Variants in ADGRE5 observed in about 807,000 individuals in gnomAD.
The protein encoded by ADGRE5 is adhesion G protein-coupled receptor E5.
Under a neutral mutation model 100.3 loss-of-function variants are expected in ADGRE5, and 72 were observed. That is an observed-to-expected ratio of 0.72 (90% CI 0.59 to 0.87). The LOEUF (loss-of-function observed/expected upper bound fraction) is 0.87. ADGRE5 is among the 40% of genes least tolerant of loss of function. The probability of loss-of-function intolerance (pLI) is 0.00; values close to 1 mark genes in which losing one functional copy is unlikely to be tolerated. For missense variants in ADGRE5, 959 were observed against 1,094.7 expected, an observed-to-expected ratio of 0.88 and a Z score of 1.75; for synonymous variants, 439 against 447.8, an observed-to-expected ratio of 0.98 and a Z score of 0.25.
rs1010629199 is a variant in ADGRE5, at chr19:14,405,199, A to C, written c.1630-549A>C. On this transcript the variant is annotated intron_variant, in intron 13 of 19. Transcript: ENST00000242786. ...TGCTCTATCGCTTAGGCTGGAGTGC[A>C]GTAGTGTGATCTTGGCTCACTGCAA... 2 of 152,670 alleles carry C rather than the reference A, an allele frequency of 1.3e-5. 1 individual carries two copies. Among genetic ancestry groups the C allele is most frequent in the African/African-American group, 4.9e-5 (2 of 40,880 alleles). The allele number at this position is 152,670 out of a possible 1,614,324, so 9.5% of individuals were successfully genotyped here.
At chr19:14,407,038 C>G (rs371185748) in intron 17 of ADGRE5, 23 bp from the exon 18 acceptor site, 1 of 1,613,664 alleles carries the variant, frequency 6.2e-7, no homozygotes, top group Non-Finnish European at 8.5e-7. Context: ...TGGGGGCCCA[C>G]GCTGCAACCC....
At chr19:14,399,563 C>CA (rs764605166) in intron 9 of ADGRE5, among the ~76,000 whole-genome samples, 7,118 of 31,582 alleles carry the variant, frequency 0.23, 1,937 homozygotes, top group Non-Finnish European at 0.31. Context: ...GACTCCGTCT[C>CA]AAAAAAAAAA....
intron 1 of ADGRE5, 80 bp from the exon 2 acceptor site, chr19:14,388,370 C>T (rs937980642): frequency 6.6e-7 from 1 of 1,508,792 alleles, no homozygotes; most frequent in African/African-American, 1.4e-5. Flanking sequence ...CAGCATCCTC[C>T]TCCCACAAAG....
intron 12 of ADGRE5, among the ~76,000 whole-genome samples, chr19:14,403,690 C>T (rs1032420268): frequency 6.6e-6 from 1 of 151,932 alleles, no homozygotes; most frequent in African/African-American, 2.4e-5. Context: ...ATGGAGGTCT[C>T]GCTATGTTGC....
chr19:14,396,395 G>A lies in ADGRE5; in HGVS notation c.400G>A (p.Val134Ile), dbSNP rs372889912. Residue 134 changes from valine to isoleucine, a missense_variant, in exon 5 of 20, where the codon GTC becomes ATC. Val to Ile is a conservative substitution (Grantham distance 29). Coordinates refer to ENST00000242786, the MANE Select transcript of ADGRE5 (RefSeq NM_078481.4). ...PRLCKSYGTC[V>I]NTLGSYTCQC... ...GCTCTGTAAAAGCTACGGCACCTGC[G>A]TCAACACCCTTGGCAGCTATACCTG... The A allele has an allele frequency of 3.7e-5, 59 of 1,614,130 alleles. No individual in the cohort carries two copies. Among genetic ancestry groups the A allele is most frequent in the Admixed American group, 1.7e-4 (10 of 60,004 alleles).
intron 5 of ADGRE5, 72 bp downstream of exon 5, chr19:14,396,545 C>T (rs1200606333): frequency 6.3e-7 from 1 of 1,595,742 alleles, no homozygotes; most frequent in Non-Finnish European, 8.5e-7. Flanking sequence ...TCCTCCAAAG[C>T]AGCCGAGGAG....
intron 13 of ADGRE5, chr19:14,405,016 G>A (rs1326727669): frequency 6.1e-6 from 1 of 162,626 alleles, no homozygotes; most frequent in African/African-American, 2.4e-5. Flanking sequence ...AGTAATTTTT[G>A]GTATTTTTAG....
At position 14,398,107 on chromosome 19, in the gene ADGRE5, T is replaced by A. The variant is rs143859763; in HGVS notation, c.865T>A (p.Ser289Thr). ...CAAAGTCCAGGACCTGGGCAGAGAC[T>A]CCAAGACAAGCTCAGCCGAGGTCAC... ...FDKVQDLGRDSKTSSAEVTIQ... is the reference protein window; with the variant it reads ...FDKVQDLGRDTKTSSAEVTIQ... The change falls in exon 9 of 20, where the codon TCC (serine) becomes ACC (threonine). Residue 289 changes from serine to threonine, a missense_variant. Coordinates refer to ENST00000242786, the MANE Select transcript of ADGRE5 (RefSeq NM_078481.4). The A allele has an allele frequency of 4.3e-5, 69 of 1,613,926 alleles. No individual in the cohort carries two copies. Among genetic ancestry groups the A allele is most frequent in the Non-Finnish European group, 5.7e-5 (67 of 1,180,020 alleles).
chr19:14,391,035 C>T lies in ADGRE5; in HGVS notation c.302C>T (p.Ser101Phe), dbSNP rs10426122. ...CVCSPGYEPV[S>F]GAKTFKNESE... is the part of the protein sequence containing the mutation. ...TGCAGCCCGGGATATGAGCCTGTTT[C>T]TGGGGCAAAAACATTCAAGAATGAG... Residue 101 changes from serine (S) to phenylalanine (F), a missense_variant, in exon 4 of 20, where the codon TCT (serine) becomes TTT (phenylalanine). Physicochemically the swap from Ser to Phe is radical, Grantham distance 155. Coordinates refer to ENST00000242786, the MANE Select transcript of ADGRE5 (RefSeq NM_078481.4). The T allele has an allele frequency of 6.2e-7, 1 of 1,614,186 alleles. No homozygotes were observed. The highest frequency in any genetic ancestry group is 1.1e-5 in the South Asian group (1 of 91,086).
chr19:14,387,590 T>C (rs573224842), intron 1 of ADGRE5, among the ~76,000 whole-genome samples: 20 of 151,110 alleles, frequency 1.3e-4, no homozygotes, highest in African/African-American at 4.4e-4. Context: ...TAGCCGGGTG[T>C]GGTGGTGGAC....
In ADGRE5 at chr19:14,394,867, G is replaced by A. The variant is rs192768866; in HGVS notation, c.347-1475G>A. ...ATGCCTCCCGACCACCTTTCTGGCC[G>A]TTTAGCCCTCATCCATTTCCCCATC... is the stretch of plus-strand genomic sequence containing the variant. On this transcript the variant is annotated intron_variant, in intron 4 of 19. Coordinates refer to ENST00000242786, the MANE Select transcript of ADGRE5 (RefSeq NM_078481.4). 1.5e-4 allele frequency among the ~76,000 whole-genome samples: 23 copies of A among 152,252 alleles called. No individual in the cohort carries two copies. The South Asian group carries it at 4.1e-3, about 27-fold the overall frequency.
intron 3 of ADGRE5, among the ~76,000 whole-genome samples, chr19:14,389,775 G>C (rs868621984): frequency 6.6e-6 from 1 of 151,050 alleles, no homozygotes; most frequent in African/African-American, 2.4e-5. Context: ...GAGAGAAAGA[G>C]AAAGAAAAGT....
intron 1 of ADGRE5, among the ~76,000 whole-genome samples, chr19:14,383,067 G>T (rs1754025192): frequency 6.6e-6 from 1 of 152,100 alleles, no homozygotes; most frequent in South Asian, 2.1e-4. Context: ...GTCGGGCTTG[G>T]TGGTGTGCGC....
chr19:14,401,642 T>C lies in ADGRE5; in HGVS notation c.1076-11T>C, dbSNP rs1327622595. 4 of 1,601,762 alleles carry C rather than the reference T, an allele frequency of 2.5e-6. No individual in the cohort carries two copies. Among genetic ancestry groups the C allele is most frequent in the Non-Finnish European group, 2.6e-6 (3 of 1,173,544 alleles). On this transcript the variant is annotated splice_polypyrimidine_tract_variant and intron_variant, in intron 10 of 19. Coordinates refer to ENST00000242786, the MANE Select transcript of ADGRE5 (RefSeq NM_078481.4). This position sits in a 1 kb window ranked among gnomAD's most constrained non-coding sequence, Gnocchi z 4.1. ...TGGGGTCCCTAATCACAACTGCCCC[T>C]CTCCCCTCAGAGCTGACCCTGATGA... is the stretch of plus-strand genomic sequence containing the variant.
chr19:14,389,528 T>C (rs181310055), intron 3 of ADGRE5, among the ~76,000 whole-genome samples: 122 of 149,610 alleles, frequency 8.2e-4, no homozygotes, highest in African/African-American at 2.9e-3. Flanking sequence ...AGGTTGGGAA[T>C]TCGAGACTAG....
rs564995948 is a variant in ADGRE5, at chr19:14,399,101, C to T, written c.897+962C>T. On this transcript the variant is annotated intron_variant, in intron 9 of 19. Coordinates refer to ENST00000242786, the MANE Select transcript of ADGRE5 (RefSeq NM_078481.4). Reference sequence around the variant, plus strand: ...GGCTTAAGTGATCCTCCTGCCTCGGCCTCCCAACATGCTGGGATCACAGGC... The same window carrying T: ...GGCTTAAGTGATCCTCCTGCCTCGGTCTCCCAACATGCTGGGATCACAGGC... Among the ~76,000 whole-genome samples, 4 of 151,564 alleles carry T rather than the reference C, an allele frequency of 2.6e-5. No homozygotes were observed. The East Asian group carries it at 5.9e-4, about 23-fold the overall frequency.
At position 14,406,293 on chromosome 19, in the gene ADGRE5, C is replaced by A; in HGVS notation, c.1822-38C>A. 1 of 1,473,430 alleles carries A rather than the reference C, an allele frequency of 6.8e-7. No homozygotes were observed. Among genetic ancestry groups the A allele is most frequent in the South Asian group, 1.2e-5 (1 of 80,806 alleles). 91.3% of individuals were successfully genotyped at this position (1,473,430 alleles called of 1,614,324 possible). Reference sequence around the variant, plus strand: ...CTCTGGCGCCGCATGCCCCTCCCCGCGCTGACGTCGCTCCGCCCCTCCGTC... The same window carrying A: ...CTCTGGCGCCGCATGCCCCTCCCCGAGCTGACGTCGCTCCGCCCCTCCGTC... On this transcript the variant is annotated intron_variant, in intron 14 of 19. Transcript: ENST00000242786. The surrounding 1 kb of genome is among the most constrained non-coding windows in gnomAD (Gnocchi z 6.0).
chr19:14,381,603 C>A (rs574118088), intron 1 of ADGRE5, 58 bp downstream of exon 1: 6 of 1,563,918 alleles, frequency 3.8e-6, no homozygotes, highest in South Asian at 3.4e-5. Context: ...GACCCCTTGG[C>A]TGCGTCTGAG....
rs774726278 is a variant in ADGRE5, at chr19:14,388,834, G to A, written c.190+16G>A. 7 of 1,608,874 alleles carry A rather than the reference G, an allele frequency of 4.4e-6. No homozygotes were observed. The Admixed American group carries it at 1.2e-4, about 27-fold the overall frequency. ...ACTTGTGACGGTACAGAGGCTTGAG[G>A]GCAGCGCAGGGGACATCCGCGATTA... On this transcript the variant is annotated intron_variant, in intron 3 of 19. Transcript: ENST00000242786.
Sources: allele counts gnomAD v4.1 joint callset (sites outside exome capture counted in the v4.1 genomes callset), GRCh38; gene constraint gnomAD v4.1.1; non-coding constraint Gnocchi (gnomAD v3.1); transcripts MANE v1.5; gene names NCBI Gene and HGNC (gene_info 2026-07-23, HGNC 2026-07-21).